The following PUDP variants were observed in gnomAD, a reference collection of about 807,000 sequenced individuals.
PUDP encodes the protein pseudouridine-5'-phosphatase.
In PUDP, 8 loss-of-function variants were observed where a neutral mutation model predicts 9.4. The ratio of observed to expected loss-of-function variants is 0.85; its 90% confidence interval spans 0.50 to 1.53. The LOEUF (loss-of-function observed/expected upper bound fraction) is 1.53. Ranked by LOEUF, PUDP falls within the 40% of genes most tolerant of loss-of-function variation. The probability of loss-of-function intolerance (pLI) is 0.00; values close to 1 mark genes in which losing one functional copy is unlikely to be tolerated. For synonymous variants in PUDP, 99 were observed against 80.7 expected (o/e 1.23, Z -1.22); for missense variants, 188 against 189.7 (o/e 0.99, Z 0.05).
chrX:6,817,020 G>T (rs1926259825), intron 3 of PUDP, among the ~76,000 whole-genome samples: 1 of 85,813 alleles, frequency 1.2e-5, no homozygotes, highest in South Asian at 5.9e-4. Flanking sequence ...TACACATATA[G>T]TATATACTAT....
chrX:7,041,657 A>G (rs1929923072), intron 1 of PUDP, among the ~76,000 whole-genome samples: 1 of 111,817 alleles, frequency 8.9e-6, no homozygotes, highest in Non-Finnish European at 1.9e-5. Context: ...ACTCCCTGCA[A>G]GCTCCGTTTT....
chrX:6,821,623 G>C (rs1055648970), intron 3 of PUDP, among the ~76,000 whole-genome samples: 1 of 112,064 alleles, frequency 8.9e-6, no homozygotes, highest in African/African-American at 3.2e-5. Context: ...TAGGCAGATA[G>C]TTAGGGTAAA....
intron 3 of PUDP, among the ~76,000 whole-genome samples, chrX:6,961,846 T>C (rs1004126986): frequency 1.8e-5 from 2 of 111,897 alleles, no homozygotes; most frequent in Non-Finnish European, 3.8e-5. Context: ...TTACCCGTGA[T>C]AGCAACACAG....
rs1490309152 is a variant in PUDP at position 6,972,557 on chromosome X, C to T, written c.*247+4576G>A. Reference sequence around the variant, plus strand: ...CAGCCTTGTATCCCAGGAATGAAGCCGACTTGATAATGGTGGATGAGCTTT... The same window carrying T: ...CAGCCTTGTATCCCAGGAATGAAGCTGACTTGATAATGGTGGATGAGCTTT... On this transcript the variant is annotated intron_variant and NMD_transcript_variant, in intron 3 of 3. Coordinates refer to the PUDP transcript ENST00000655425. Among the ~76,000 whole-genome samples, 5 of 111,771 alleles carry T rather than the reference C, an allele frequency of 4.5e-5. No individual in the cohort carries two copies. The East Asian group carries it at 8.4e-4, about 19-fold the overall frequency.
Position 6,838,252 on chromosome X carries a change from G to C in PUDP, c.*248-131786C>G, listed in dbSNP as rs182882635. On this transcript the variant is annotated intron_variant and NMD_transcript_variant, in intron 3 of 3. Coordinates refer to the PUDP transcript ENST00000655425. ...AGATAATTTGTATTCTTTCTCTTTA[G>C]AATATGATTTTAAAATCTAGACGAG... is the stretch of plus-strand genomic sequence containing the variant. 4.3e-3 allele frequency among the ~76,000 whole-genome samples: 482 copies of C among 112,747 alleles called. 4 individuals carry two copies. The highest frequency in any genetic ancestry group is 0.014 in the African/African-American group (436 of 31,100).
chrX:6,844,016 G>A (rs1225663645), intron 3 of PUDP, among the ~76,000 whole-genome samples: 2 of 112,485 alleles, frequency 1.8e-5, no homozygotes, highest in Non-Finnish European at 3.8e-5. Context: ...CTTTCTGGAA[G>A]TCCTAGGGGA....
At chrX:6,794,181 G>T (rs1925799667) in intron 3 of PUDP, among the ~76,000 whole-genome samples, 1 of 112,256 alleles carries the variant, frequency 8.9e-6, no homozygotes, top group South Asian at 3.7e-4. Context: ...TCTGAGAAAG[G>T]CGTCATTAGG....
intron 3 of PUDP, among the ~76,000 whole-genome samples, chrX:6,874,654 A>G (rs1007141668): frequency 8.9e-6 from 1 of 112,512 alleles, no homozygotes. Context: ...ATGCCAATCA[A>G]ATCTGTTAAG....
chrX:6,930,445 A>G (rs1334203409), intron 3 of PUDP, among the ~76,000 whole-genome samples: 1 of 111,463 alleles, frequency 9.0e-6, no homozygotes, highest in Non-Finnish European at 1.9e-5. Context: ...ATTAGTTGCT[A>G]AAAGACACTC....
At chrX:7,050,542 C>G in intron 3 of PUDP, 70 bp from the exon 4 acceptor site, 2 of 969,429 alleles carry the variant, frequency 2.1e-6, no homozygotes, top group Middle Eastern at 2.6e-4. Context: ...TGTTTATTAT[C>G]GTCGTCACCA....
intron 3 of PUDP, among the ~76,000 whole-genome samples, chrX:6,932,730 G>A (rs183413853): frequency 1.8e-3 from 199 of 112,022 alleles, no homozygotes; most frequent in Middle Eastern, 4.6e-3. Context: ...AGAAAGGGGT[G>A]ACGGACGCAC....
At chrX:6,922,185 T>C (rs1226585373) in intron 3 of PUDP, among the ~76,000 whole-genome samples, 1 of 111,502 alleles carries the variant, frequency 9.0e-6, no homozygotes, top group African/African-American at 3.3e-5. Flanking sequence ...AGACCTACTA[T>C]GTGATAACAC....
chrX:7,082,351 G>C (rs1196631713), intron 2 of PUDP, among the ~76,000 whole-genome samples: 1 of 112,518 alleles, frequency 8.9e-6, no homozygotes, highest in Non-Finnish European at 1.9e-5. Context: ...GCTGCCGCGC[G>C]GTCTCAGGTG....
intron 3 of PUDP, among the ~76,000 whole-genome samples, chrX:6,795,716 A>C (rs745950772): frequency 8.1e-5 from 9 of 111,736 alleles, no homozygotes; most frequent in African/African-American, 2.9e-4. Context: ...GGATGTGCAC[A>C]ATACAGGCTG....
Position 7,032,468 on chromosome X carries a change from G to A in PUDP, c.204+44752C>T, listed in dbSNP as rs139055678. ...ACTTCAAATGGAGCAGAACCCAAATGCTTATCAAAGGATGAATGGATAAAC... is the reference window on the plus strand; with the variant it reads ...ACTTCAAATGGAGCAGAACCCAAATACTTATCAAAGGATGAATGGATAAAC... On this transcript the variant is annotated intron_variant and NMD_transcript_variant, in intron 1 of 3. Transcript: ENST00000655425. 6.6e-3 allele frequency among the ~76,000 whole-genome samples: 738 copies of A among 112,047 alleles called. 2 individuals are homozygous for A. Among genetic ancestry groups the A allele is most frequent in the Non-Finnish European group, 0.01 (547 of 53,186 alleles).
At chrX:6,920,649 C>A (rs906543973) in intron 3 of PUDP, among the ~76,000 whole-genome samples, 5 of 111,262 alleles carry the variant, frequency 4.5e-5, no homozygotes, top group African/African-American at 1.6e-4. Flanking sequence ...GACTTGGAAG[C>A]CCCCCTCTCT....
intron 3 of PUDP, among the ~76,000 whole-genome samples, chrX:6,822,662 T>G: frequency 9.2e-6 from 1 of 108,532 alleles, no homozygotes; most frequent in Admixed American, 9.8e-5. Context: ...CCTGACCTCG[T>G]GATCCACCCG....
intron 1 of PUDP, among the ~76,000 whole-genome samples, chrX:6,985,585 T>C (rs1247149902): frequency 8.9e-6 from 1 of 111,770 alleles, no homozygotes; most frequent in African/African-American, 3.3e-5. Context: ...TGGTGGGCTT[T>C]TGTTACATTC....
intron 3 of PUDP, among the ~76,000 whole-genome samples, chrX:6,833,500 T>C (rs932054638): frequency 2.7e-5 from 3 of 111,846 alleles, no homozygotes; most frequent in African/African-American, 9.7e-5. Flanking sequence ...AATAGGTGGA[T>C]AGATAGCTAA....
Sources: gnomAD v4.1 joint callset for allele counts (sites outside exome capture counted in the v4.1 genomes callset) on GRCh38, gnomAD v4.1.1 for gene constraint, MANE v1.5 for transcripts, NCBI Gene and HGNC (gene_info 2026-07-23, HGNC 2026-07-21) for gene names.